RERE: variants seen among roughly 807,000 people sequenced by gnomAD.
The protein encoded by RERE is arginine-glutamic acid dipeptide repeats protein.
Under a neutral mutation model 146.1 loss-of-function variants are expected in RERE, and 40 were observed. The observed-to-expected ratio is 0.27, with a 90% CI of 0.21 to 0.36. The LOEUF is 0.36. Ranked by LOEUF, RERE falls within the 10% of genes least tolerant of loss-of-function variation. RERE has a pLI of 1.00. For missense variants in RERE, 1,933 were observed against 2,138.7 expected (o/e 0.90, Z 1.90); for synonymous variants, 1,003 against 866.0 (o/e 1.16, Z -2.78).
At chr1:8,518,644 G>C (rs1051512626) in intron 7 of RERE, among the ~76,000 whole-genome samples, 2 of 152,188 alleles carry the variant, frequency 1.3e-5, no homozygotes, top group African/African-American at 4.8e-5. Flanking sequence ...TGTGAGGTAG[G>C]AGTGAAAGCG....
intron 10 of RERE, 151 bp downstream of exon 10, chr1:8,494,912 C>T: frequency 3.2e-6 from 2 of 632,108 alleles, no homozygotes; most frequent in Non-Finnish European, 5.8e-6. Context: ...CATCACTGGC[C>T]TGGAGCCCCC....
intron 6 of RERE, among the ~76,000 whole-genome samples, chr1:8,543,454 G>A (rs1032678785): frequency 1.3e-5 from 2 of 152,040 alleles, no homozygotes; most frequent in African/African-American, 4.8e-5. Flanking sequence ...TCCTATTATT[G>A]TACATTACTA....
chr1:8,497,851 AGAT>A (rs1312267659), intron 8 of RERE, among the ~76,000 whole-genome samples: 2 of 152,262 alleles, frequency 1.3e-5, no homozygotes, highest in African/African-American at 2.4e-5. Context: ...TAATGTCTTT[AGAT>A]GATAACAGCT....
At chr1:8,688,592 A>C (rs1639141380) in intron 1 of RERE, among the ~76,000 whole-genome samples, 1 of 152,082 alleles carries the variant, frequency 6.6e-6, no homozygotes, top group African/African-American at 2.4e-5. Flanking sequence ...AAAATTAAAA[A>C]ATTAGCCAGG....
At chr1:8,498,515 A>G (rs1426000270) in intron 8 of RERE, among the ~76,000 whole-genome samples, 1 of 151,660 alleles carries the variant, frequency 6.6e-6, no homozygotes, top group Non-Finnish European at 1.5e-5. Context: ...GGCCAACATG[A>G]TAAAACCCCG....
intron 1 of RERE, among the ~76,000 whole-genome samples, chr1:8,722,036 T>C (rs182738102): frequency 6.7e-4 from 102 of 152,374 alleles, no homozygotes; most frequent in African/African-American, 2.3e-3. Context: ...TTGTTTCTGC[T>C]TTCTTCAGCC....
At chr1:8,780,997 G>C (rs912388262) in intron 1 of RERE, among the ~76,000 whole-genome samples, 3 of 151,756 alleles carry the variant, frequency 2.0e-5, no homozygotes, top group Non-Finnish European at 1.5e-5. Context: ...CAAGGTAGAA[G>C]AATCACTTGA....
chr1:8,669,493 A>C (rs564843947), intron 1 of RERE, among the ~76,000 whole-genome samples: 1 of 152,358 alleles, frequency 6.6e-6, no homozygotes, highest in South Asian at 2.1e-4. Flanking sequence ...GCAGCAACTG[A>C]ATTACAAACT....
chr1:8,607,345 G>C (rs1327506235), intron 4 of RERE, among the ~76,000 whole-genome samples: 1 of 149,266 alleles, frequency 6.7e-6, no homozygotes, highest in Non-Finnish European at 1.5e-5. Flanking sequence ...GGGTGACACA[G>C]GGAGATACCC....
chr1:8,446,826 G>A (rs1361199204), intron 11 of RERE, among the ~76,000 whole-genome samples: 1 of 151,062 alleles, frequency 6.6e-6, no homozygotes, highest in Non-Finnish European at 1.5e-5. Flanking sequence ...GGCGCCCACT[G>A]CCACACCGGG....
chr1:8,594,686 G>C (rs935359826), intron 4 of RERE, among the ~76,000 whole-genome samples: 1 of 152,042 alleles, frequency 6.6e-6, no homozygotes, highest in Non-Finnish European at 1.5e-5. Context: ...GTTTAAGACA[G>C]TTTGAATAAT....
At chr1:8,649,394 A>AT (rs1242186683) in intron 2 of RERE, among the ~76,000 whole-genome samples, 4 of 152,062 alleles carry the variant, frequency 2.6e-5, no homozygotes, top group Non-Finnish European at 4.4e-5. Flanking sequence ...TGAGTCAATA[A>AT]TTTTTTTTAA....
intron 1 of RERE, among the ~76,000 whole-genome samples, chr1:8,709,556 A>G (rs1639626657): frequency 6.6e-6 from 1 of 152,170 alleles, no homozygotes. Context: ...ATATGTATTC[A>G]TTTGTCTGAG....
chr1:8,618,537 T>A (rs1325493690), intron 3 of RERE, among the ~76,000 whole-genome samples: 1 of 152,216 alleles, frequency 6.6e-6, no homozygotes, highest in Non-Finnish European at 1.5e-5. Flanking sequence ...AGGGCTCTAA[T>A]GCAAGATTTA....
At chr1:8,813,637 C>CA (rs1641856916) in intron 1 of RERE, among the ~76,000 whole-genome samples, 1 of 125,314 alleles carries the variant, frequency 8.0e-6, no homozygotes, top group African/African-American at 3.1e-5. Context: ...TTTTTTTAGA[C>CA]AGAGTCTCGC....
At chr1:8,584,684 T>C (rs1646405666) in intron 4 of RERE, among the ~76,000 whole-genome samples, 1 of 152,172 alleles carries the variant, frequency 6.6e-6, no homozygotes, top group South Asian at 2.1e-4. Context: ...AAAAAGACTA[T>C]AGTGTGTAAT....
chr1:8,575,537 A>G (rs1298176150), intron 4 of RERE, among the ~76,000 whole-genome samples: 1 of 83,356 alleles, frequency 1.2e-5, no homozygotes, highest in Admixed American at 1.5e-4. Context: ...CTAATTTAAT[A>G]TATATATATA....
At chr1:8,493,337 AT>A (rs1645002127) in intron 10 of RERE, among the ~76,000 whole-genome samples, 1 of 152,232 alleles carries the variant, frequency 6.6e-6, no homozygotes, top group African/African-American at 2.4e-5. Flanking sequence ...CAACAAAAAA[AT>A]CCCCACTAAC....
At chr1:8,404,245 G>T (rs1041859978) in intron 12 of RERE, among the ~76,000 whole-genome samples, 16 of 152,014 alleles carry the variant, frequency 1.1e-4, no homozygotes, top group Non-Finnish European at 2.1e-4. Context: ...GTGAAACCCC[G>T]TCTCTATTAA....
Sources: gnomAD v4.1 joint callset for allele counts (sites outside exome capture counted in the v4.1 genomes callset) on GRCh38, gnomAD v4.1.1 for gene constraint, MANE v1.5 for transcripts, NCBI Gene and HGNC (gene_info 2026-07-23, HGNC 2026-07-21) for gene names.